MCM3AP: variants seen among roughly 807,000 people sequenced by gnomAD.
MCM3AP encodes germinal-center associated nuclear protein.
MCM3AP carries 126 observed loss-of-function variants against 184.1 expected under a neutral mutation model. That is an observed-to-expected ratio of 0.68 (90% CI 0.59 to 0.79). The LOEUF (loss-of-function observed/expected upper bound fraction) is 0.79, where lower values mean the gene tolerates loss of function less well. MCM3AP is among the 30% of genes least tolerant of loss of function. MCM3AP has a pLI of 0.00. For synonymous variants in MCM3AP, 1,002 were observed against 979.3 expected (o/e 1.02, Z -0.43); for missense variants, 2,496 against 2,479.2 (o/e 1.01, Z -0.14).
intron 8 of MCM3AP, among the ~76,000 whole-genome samples, chr21:46,272,301 G>C (rs889165540): frequency 2.0e-5 from 3 of 152,144 alleles, no homozygotes; most frequent in African/African-American, 7.2e-5. Context: ...TTTTCTCACT[G>C]GTGAGGAGAA....
At chr21:46,245,446 C>T (rs1271910464) in intron 22 of MCM3AP, among the ~76,000 whole-genome samples, 1 of 152,118 alleles carries the variant, frequency 6.6e-6, no homozygotes, top group Non-Finnish European at 1.5e-5. Flanking sequence ...AGGAGTGTGA[C>T]CTGCATGGTT....
At chr21:46,268,879 A>G (rs73386596) in intron 9 of MCM3AP, among the ~76,000 whole-genome samples, 10,970 of 152,136 alleles carry the variant, frequency 0.072, 605 homozygotes, top group African/African-American at 0.15. Flanking sequence ...TCCCATCTCT[A>G]CTAAGTTAGC....
At chr21:46,273,617 T>A in intron 6 of MCM3AP, 32 bp from the exon 7 acceptor site, 1 of 1,592,178 alleles carries the variant, frequency 6.3e-7, no homozygotes, top group South Asian at 1.1e-5. Context: ...AGGATGCCCA[T>A]GTGGCATACC....
rs200573968 is a variant in MCM3AP at position 46,280,157 on chromosome 21, A to G, written c.1523-20T>C. On this transcript the variant is annotated intron_variant, in intron 3 of 27. Coordinates refer to ENST00000291688, the MANE Select transcript of MCM3AP (RefSeq NM_003906.5). ...TGGGGCCTGTGGACATAGGAGGCAG[A>G]AAAGAGTTTATGCAATCACAGATCA... 1.4e-3 allele frequency: 2,193 copies of G among 1,613,286 alleles called. 3 individuals are homozygous for G. Among genetic ancestry groups the G allele is most frequent in the Non-Finnish European group, 1.3e-3 (1,523 of 1,179,562 alleles).
Position 46,282,488 on chromosome 21 carries a change from T to G in MCM3AP, c.1443+1127A>C, listed in dbSNP as rs930830202. On this transcript the variant is annotated intron_variant, in intron 2 of 27. Coordinates refer to ENST00000291688, the MANE Select transcript of MCM3AP (RefSeq NM_003906.5). Reference sequence around the variant, plus strand: ...GCTATATAACATAAGCAGTCCACGTTCACTGCACCCTAGAAAGTATTATGC... The same window carrying G: ...GCTATATAACATAAGCAGTCCACGTGCACTGCACCCTAGAAAGTATTATGC... Among the ~76,000 whole-genome samples the G allele has an allele frequency of 2.0e-5, 3 of 152,312 alleles. No individual in the cohort carries two copies. In the South Asian group the frequency reaches 6.2e-4, roughly 32 times the overall value.
At chr21:46,262,917 G>A (rs868573797) in intron 13 of MCM3AP, among the ~76,000 whole-genome samples, 154 of 132,726 alleles carry the variant, frequency 1.2e-3, no homozygotes, top group Non-Finnish European at 1.7e-3. Flanking sequence ...GCAGTGAGCC[G>A]AGATCACGCC....
intron 15 of MCM3AP, among the ~76,000 whole-genome samples, chr21:46,260,441 G>C (rs903413001): frequency 1.3e-5 from 2 of 152,126 alleles, no homozygotes; most frequent in Non-Finnish European, 2.9e-5. Flanking sequence ...GCCTGGCGTA[G>C]AATTTGTAAA....
At position 46,272,569 on chromosome 21, in the gene MCM3AP, G is replaced by A; in HGVS notation, c.2457C>T (p.Asp819=). Residue 819 remains aspartate, a synonymous_variant, in exon 8 of 28, where the codon GAC becomes GAT. Transcript: ENST00000291688. ...YNVLLSLNKG[D]ILREVQQFHP... is the part of the protein sequence containing the mutation. The stretch of plus-strand genomic sequence containing the variant: ...TGGATGTGAAAATTCACCTTAGGAT[G>A]TCTCCCTTGTTGAGACTGAGCAGAA... 6.2e-7 allele frequency: 1 copy of A among 1,613,246 alleles called. No homozygotes were observed. The highest frequency in any genetic ancestry group is 8.5e-7 in the Non-Finnish European group (1 of 1,179,474).
Position 46,283,929 on chromosome 21 carries a change from G to T in MCM3AP, c.1220-91C>A. On this transcript the variant is annotated intron_variant, in intron 1 of 27. Transcript: ENST00000291688. The stretch of plus-strand genomic sequence containing the variant: ...GTCGAAGCAGAGGAAATTTTCAGAT[G>T]TAAGACCTGCTCCGATGACATGTTA... The T allele has an allele frequency of 1.9e-6, 3 of 1,547,508 alleles. No individual in the cohort carries two copies. In the South Asian group the frequency reaches 3.6e-5, roughly 19 times the overall value.
intron 19 of MCM3AP, 197 bp from the exon 20 acceptor site, chr21:46,251,879 T>TTA: frequency 1.4e-5 from 5 of 349,448 alleles, no homozygotes; most frequent in Middle Eastern, 8.1e-4. Context: ...TCTGTACTCG[T>TTA]TCTTTTTTTT....
intron 16 of MCM3AP, among the ~76,000 whole-genome samples, chr21:46,258,733 T>TTGTGTGTGTGTGTG (rs1197167264): frequency 4.2e-3 from 302 of 72,306 alleles, no homozygotes; most frequent in Non-Finnish European, 5.6e-3. Context: ...TCCCCTTATA[T>TTGTGTGTGTGTGTG]TGTATGTGTG....
At chr21:46,258,655 G>A (rs999283925) in intron 16 of MCM3AP, among the ~76,000 whole-genome samples, 13 of 151,946 alleles carry the variant, frequency 8.6e-5, no homozygotes, top group African/African-American at 2.9e-4. Flanking sequence ...TGGGCAAATG[G>A]CAGGCACCCT....
At chr21:46,262,210 A>C (rs1041489884) in intron 13 of MCM3AP, among the ~76,000 whole-genome samples, 1 of 152,230 alleles carries the variant, frequency 6.6e-6, no homozygotes, top group Non-Finnish European at 1.5e-5. Flanking sequence ...TTCACTGGTA[A>C]ATTCTATTAA....
At chr21:46,235,682 G>C (rs1302194129) in intron 27 of MCM3AP, among the ~76,000 whole-genome samples, 1 of 152,108 alleles carries the variant, frequency 6.6e-6, no homozygotes, top group Admixed American at 6.6e-5. Flanking sequence ...TTTTCACCCA[G>C]GCTGGAACGC....
rs528321869 is a variant in MCM3AP at position 46,235,312 on chromosome 21, A to G, written c.5899T>C (p.Ser1967Pro). The G allele has an allele frequency of 5.0e-6, 8 of 1,614,216 alleles. No homozygotes were observed. The highest frequency in any genetic ancestry group is 3.3e-5 in the Admixed American group (2 of 60,028). Residue 1967 changes from serine (S) to proline (P), a missense_variant, in exon 28 of 28, where the codon TCT becomes CCT. Physicochemically the swap from Ser to Pro is moderately conservative, Grantham distance 74. Around this residue, in one of 5 missense-constraint regions of MCM3AP, gnomAD observed 1,323 missense variants for 1,273.4 expected, o/e 1.04. Coordinates refer to ENST00000291688, the MANE Select transcript of MCM3AP (RefSeq NM_003906.5). ...AGCAGCGCAGAGAGATGGAGCTCAG[A>G]GGCAACTTCCTCTTCCCTTGAACTC... The part of the protein sequence containing the change: ...IRSSREEEVA[S>P]ELHLSALLDM...
chr21:46,258,312 C>T (rs2080987650), intron 16 of MCM3AP, among the ~76,000 whole-genome samples: 1 of 152,200 alleles, frequency 6.6e-6, no homozygotes, highest in Admixed American at 6.5e-5. Flanking sequence ...ATACAACATA[C>T]GTAACACATA....
rs756431692 is a variant in MCM3AP, at chr21:46,260,896, CTT to C, written c.3476_3477del (p.Gln1159ArgfsTer8). 3.2e-5 allele frequency: 52 copies of C among 1,610,862 alleles called. No individual in the cohort carries two copies. Among genetic ancestry groups the C allele is most frequent in the Non-Finnish European group, 3.9e-5 (46 of 1,177,090 alleles). ...RQRAEEERLK[Q>X]ERELVLSELS... ...AGCTCACTTAACACCAGCTCTCTCTCTTGTTTCAACCTACAGGGAAGAGAAAA... is the reference window on the plus strand; with the variant it reads ...AGCTCACTTAACACCAGCTCTCTCTCGTTTCAACCTACAGGGAAGAGAAAA... On this transcript the variant is annotated frameshift_variant, in exon 15 of 28. Coordinates refer to ENST00000291688, the MANE Select transcript of MCM3AP (RefSeq NM_003906.5). LOFTEE classifies it high-confidence loss of function.
chr21:46,244,925 C>G lies in MCM3AP; in HGVS notation c.4920G>C (p.Glu1640Asp). 6.2e-7 allele frequency: 1 copy of G among 1,614,228 alleles called. No individual in the cohort carries two copies. ...GAGGAAGCAGCCGGCTGCCCCCTGC[C>G]TCAGCAAACTCAGTGACAGGCCAGG... Reference protein sequence around the residue: ...DLSWPVTEFAEAGGSRLLPHL... With the variant: ...DLSWPVTEFADAGGSRLLPHL... Residue 1640 changes from glutamate (E) to aspartate (D), a missense_variant, in exon 23 of 28, where the codon GAG becomes GAC. Physicochemically the swap from Glu to Asp is conservative, Grantham distance 45. Transcript: ENST00000291688.
At chr21:46,255,399 C>T (rs2080935027) in intron 17 of MCM3AP, among the ~76,000 whole-genome samples, 3 of 151,794 alleles carry the variant, frequency 2.0e-5, no homozygotes, top group Non-Finnish European at 4.4e-5. Flanking sequence ...GAGGCAACGC[C>T]ACCTGGCTGA....
Sources: gnomAD v4.1 joint callset for allele counts (sites outside exome capture counted in the v4.1 genomes callset) on GRCh38, gnomAD v4.1.1 for gene constraint, gnomAD v4.1.1 regional missense constraint, MANE v1.5 for transcripts, NCBI Gene and HGNC (gene_info 2026-07-23, HGNC 2026-07-21) for gene names.